Variants in FRAS1 observed in about 807,000 individuals in gnomAD.
FRAS1 encodes Fraser extracellular matrix complex subunit 1, also known as extracellular matrix organizing protein FRAS1.
A neutral mutation model predicts 435.2 loss-of-function variants in FRAS1; 290 were observed. The observed-to-expected ratio is 0.67, with a 90% confidence interval of 0.61 to 0.73. The LOEUF (loss-of-function observed/expected upper bound fraction) is 0.73. Ranked by LOEUF, FRAS1 falls within the 30% of genes least tolerant of loss-of-function variation. FRAS1 has a pLI of 0.00. For missense variants in FRAS1, 4,860 were observed against 5,001.5 expected, an observed-to-expected ratio of 0.97 and a Z score of 0.85; for synonymous variants, 1,800 against 1,851.0, an observed-to-expected ratio of 0.97 and a Z score of 0.71.
At chr4:78,405,696 A>G (rs529698469) in intron 30 of FRAS1, among the ~76,000 whole-genome samples, 15 of 152,316 alleles carry the variant, frequency 9.8e-5, no homozygotes, top group Non-Finnish European at 1.5e-4. Context: ...GTATTCTCCT[A>G]TAGAATATTT....
intron 28 of FRAS1, among the ~76,000 whole-genome samples, chr4:78,386,168 TTATTA>T (rs1026106811): frequency 3.3e-5 from 5 of 152,302 alleles, no homozygotes; most frequent in Admixed American, 1.3e-4. Flanking sequence ...TTAATTTTAT[TTATTA>T]TATGAGAAAC....
chr4:78,159,650 G>A (rs1415217936), intron 2 of FRAS1, among the ~76,000 whole-genome samples: 1 of 152,180 alleles, frequency 6.6e-6, no homozygotes, highest in South Asian at 2.1e-4. Context: ...GGAGGCCAAG[G>A]AGGGTAGATC....
chr4:78,458,877 G>A (rs1430001764), intron 47 of FRAS1, among the ~76,000 whole-genome samples: 1 of 152,076 alleles, frequency 6.6e-6, no homozygotes, highest in Non-Finnish European at 1.5e-5. Flanking sequence ...ATGAAATAAG[G>A]CAGTGTATTA....
At chr4:78,105,371 C>G (rs1407067499) in intron 2 of FRAS1, among the ~76,000 whole-genome samples, 1 of 152,138 alleles carries the variant, frequency 6.6e-6, no homozygotes, top group Non-Finnish European at 1.5e-5. Context: ...TTTGGCTATT[C>G]AAAGCACTCT....
intron 8 of FRAS1, 144 bp from the exon 9 acceptor site, chr4:78,267,096 AG>A: frequency 1.1e-6 from 1 of 919,190 alleles, no homozygotes; most frequent in African/African-American, 1.7e-5. Flanking sequence ...AGAAGGGTTG[AG>A]GTGCAAGGGA....
chr4:78,233,148 GAGA>G (rs1485006550), intron 2 of FRAS1, among the ~76,000 whole-genome samples: 2 of 152,184 alleles, frequency 1.3e-5, no homozygotes, highest in Non-Finnish European at 2.9e-5. Context: ...TTGAAGTGCA[GAGA>G]AGAACTCACC....
At chr4:78,479,894 A>G (rs564343603) in intron 56 of FRAS1, among the ~76,000 whole-genome samples, 176 bp downstream of exon 56, 22 of 152,302 alleles carry the variant, frequency 1.4e-4, no homozygotes, top group African/African-American at 5.3e-4. Flanking sequence ...GGAATTTATT[A>G]TAGAGAGTTC....
intron 3 of FRAS1, among the ~76,000 whole-genome samples, chr4:78,243,655 AATAT>A (rs33933484): frequency 0.67 from 101,635 of 150,952 alleles, 34,614 homozygotes; most frequent in East Asian, 1. Context: ...GCCACTAGCA[AATAT>A]ATATATATAT....
At chr4:78,077,999 A>G (rs1740733652) in intron 2 of FRAS1, among the ~76,000 whole-genome samples, 1 of 152,044 alleles carries the variant, frequency 6.6e-6, no homozygotes, top group South Asian at 2.1e-4. Flanking sequence ...AATACTAAAT[A>G]TTAGATGAGT....
chr4:78,064,504 A>C (rs1424727604), intron 1 of FRAS1, among the ~76,000 whole-genome samples: 1 of 152,018 alleles, frequency 6.6e-6, no homozygotes, highest in Non-Finnish European at 1.5e-5. Context: ...CAAGGGTGTC[A>C]TAAATTTATA....
chr4:78,140,436 T>C (rs1400178047), intron 2 of FRAS1, among the ~76,000 whole-genome samples: 1 of 152,106 alleles, frequency 6.6e-6, no homozygotes, highest in Admixed American at 6.6e-5. Context: ...AGTTTTCTAG[T>C]TCCTCCAGGA....
chr4:78,165,116 A>G (rs920835975), intron 2 of FRAS1, among the ~76,000 whole-genome samples: 1 of 152,208 alleles, frequency 6.6e-6, no homozygotes, highest in Non-Finnish European at 1.5e-5. Context: ...AAGACTGGTT[A>G]ATGTCCAGGT....
At chr4:78,063,027 C>G (rs1392446348) in intron 1 of FRAS1, among the ~76,000 whole-genome samples, 4 of 152,148 alleles carry the variant, frequency 2.6e-5, no homozygotes, top group African/African-American at 9.7e-5. Context: ...TCAGCACTCT[C>G]TCACAGAATT....
chr4:78,140,753 G>GTATATGTATATACA (rs1720143462), intron 2 of FRAS1, among the ~76,000 whole-genome samples: 1 of 138,970 alleles, frequency 7.2e-6, no homozygotes, highest in African/African-American at 3.3e-5. Flanking sequence ...GTATATACGT[G>GTATATGTATATACA]TGTGTATATG....
At chr4:78,298,843 G>T (rs1442746139) in intron 14 of FRAS1, among the ~76,000 whole-genome samples, 1 of 152,142 alleles carries the variant, frequency 6.6e-6, no homozygotes, top group African/African-American at 2.4e-5. Context: ...CTAAAACATG[G>T]TCCCCATTTG....
chr4:78,475,895 C>T (rs566433003), intron 54 of FRAS1, among the ~76,000 whole-genome samples: 2 of 152,292 alleles, frequency 1.3e-5, no homozygotes, highest in South Asian at 2.1e-4. Context: ...CTATATTCAG[C>T]TTTGGTATCC....
At chr4:78,115,855 T>C (rs1231203064) in intron 2 of FRAS1, among the ~76,000 whole-genome samples, 1 of 152,210 alleles carries the variant, frequency 6.6e-6, no homozygotes, top group Admixed American at 6.5e-5. Context: ...TCTTAGTTAT[T>C]TTTTGCCTTC....
intron 2 of FRAS1, among the ~76,000 whole-genome samples, chr4:78,174,517 T>C (rs112081018): frequency 2.0e-5 from 3 of 152,320 alleles, no homozygotes; most frequent in African/African-American, 7.2e-5. Context: ...GGCATAGTTA[T>C]CTACCTGGGA....
chr4:78,372,204 GTTCT>G (rs1267007052), intron 23 of FRAS1, among the ~76,000 whole-genome samples: 6 of 152,164 alleles, frequency 3.9e-5, no homozygotes, highest in Admixed American at 6.5e-5. Context: ...GACATCATTG[GTTCT>G]TTCTGTCACT....
Sources: allele counts gnomAD v4.1 joint callset (sites outside exome capture counted in the v4.1 genomes callset), GRCh38; gene constraint gnomAD v4.1.1; transcripts MANE v1.5; gene names NCBI Gene and HGNC (gene_info 2026-07-23, HGNC 2026-07-21).